HSPG2: variants seen among roughly 807,000 people sequenced by gnomAD.
HSPG2 encodes the protein basement membrane-specific heparan sulfate proteoglycan core protein.
In HSPG2, 278 loss-of-function variants were observed where a neutral mutation model predicts 526.6. The observed-to-expected ratio is 0.53, with a 90% CI of 0.48 to 0.58. HSPG2 has a LOEUF of 0.58. Among genes scored for constraint, HSPG2 ranks in the 20% least tolerant of loss-of-function variants. The pLI is 0.00. For missense variants in HSPG2, 5,354 were observed against 6,099.5 expected (o/e 0.88, Z 4.07); for synonymous variants, 2,465 against 2,555.4 (o/e 0.96, Z 1.07).
chr1:21,916,273 G>C lies in HSPG2; in HGVS notation c.64-19963C>G, dbSNP rs912758587. 5.9e-5 allele frequency among the ~76,000 whole-genome samples: 9 copies of C among 152,176 alleles called. 1 individual carries two copies. Among genetic ancestry groups the C allele is most frequent in the African/African-American group, 1.9e-4 (8 of 41,532 alleles). On this transcript the variant is annotated intron_variant, in intron 1 of 96. Coordinates refer to ENST00000374695, the MANE Select transcript of HSPG2 (RefSeq NM_005529.7). ...TCCCAGCACTTTGGGAGACCGAGGC[G>C]GGTGGATCATGAGGTCAGGAGATCG...
chr1:21,834,931 G>A lies in HSPG2; in HGVS notation c.10468C>T (p.Leu3490Phe). The A allele has an allele frequency of 1.2e-6, 2 of 1,612,646 alleles. No individual in the cohort carries two copies. Among genetic ancestry groups the A allele is most frequent in the Non-Finnish European group, 1.7e-6 (2 of 1,180,008 alleles). ...QLVIQALPSV[L>F]INIRTSVQTV... is the part of the protein sequence containing the mutation. ...TGCACAGAGGTCCGGATGTTGATGA[G>A]CACCGAGGGCAGGGCTGGGGAGGAG... The change falls in exon 77 of 97, where the codon CTC becomes TTC. Residue 3490 changes from leucine (L) to phenylalanine (F), a missense_variant. Physicochemically the swap from Leu to Phe is conservative, Grantham distance 22. Coordinates refer to ENST00000374695, the MANE Select transcript of HSPG2 (RefSeq NM_005529.7).
chr1:21,848,241 G>T lies in HSPG2; in HGVS notation c.7738-148C>A. 1.0e-6 allele frequency: 1 copy of T among 976,858 alleles called. No individual in the cohort carries two copies. Among genetic ancestry groups the T allele is most frequent in the Admixed American group, 2.0e-5 (1 of 49,648 alleles). 60.5% of individuals were successfully genotyped at this position (976,858 alleles called of 1,614,324 possible). ...CGTGAAGCTCCCAGCATGGCATGTG[G>T]CCTGTCTCTGGGCTGGGGTGGACGT... On this transcript the variant is annotated intron_variant, in intron 59 of 96. Transcript: ENST00000374695. The surrounding 1 kb of genome is among the most constrained non-coding windows in gnomAD (Gnocchi z 4.9).
At chr1:21,826,626 C>T (rs957493128) in intron 91 of HSPG2, among the ~76,000 whole-genome samples, 18 of 152,128 alleles carry the variant, frequency 1.2e-4, no homozygotes, top group Admixed American at 8.5e-4. Context: ...TCTCCTGCCT[C>T]AGCCTCCGGA....
Position 21,886,806 on chromosome 1 carries a change from G to A in HSPG2, c.1078+409C>T, listed in dbSNP as rs901663231. ...GGGAGTTGGACAGATGGGTGGGTAA[G>A]GCTCTGACTTGCATACATACACCAA... On this transcript the variant is annotated intron_variant, in intron 9 of 96. Transcript: ENST00000374695. Among the ~76,000 whole-genome samples the A allele has an allele frequency of 3.3e-5, 5 of 152,212 alleles. No homozygotes were observed. In the East Asian group the frequency reaches 5.8e-4, roughly 18 times the overall value.
At chr1:21,876,708 T>C in intron 21 of HSPG2, 56 bp from the exon 22 acceptor site, 1 of 1,609,888 alleles carries the variant, frequency 6.2e-7, no homozygotes, top group Non-Finnish European at 8.5e-7. Context: ...TGCCTGGAGC[T>C]CTGGCCGAAT....
At chr1:21,884,713 G>C (rs377554741) in intron 12 of HSPG2, 39 bp from the exon 13 acceptor site, 2 of 1,610,978 alleles carry the variant, frequency 1.2e-6, no homozygotes, top group African/African-American at 2.7e-5. Flanking sequence ...GCCGGCTGTG[G>C]TGGGCAGCCC....
Position 21,877,215 on chromosome 1 carries a change from T to C in HSPG2, c.2686-563A>G, listed in dbSNP as rs142713549. ...GGGGGTTCACCAATAAATTTAGACT[T>C]GAAATACAGCGACTTGATTGAAATA... On this transcript the variant is annotated intron_variant, in intron 21 of 96. Transcript: ENST00000374695. Among the ~76,000 whole-genome samples, 979 of 152,292 alleles carry C rather than the reference T, an allele frequency of 6.4e-3. 11 individuals carry two copies. Among genetic ancestry groups the C allele is most frequent in the African/African-American group, 0.022 (929 of 41,558 alleles).
intron 1 of HSPG2, among the ~76,000 whole-genome samples, chr1:21,932,201 T>C (rs1278396400): frequency 6.6e-6 from 1 of 152,160 alleles, no homozygotes; most frequent in African/African-American, 2.4e-5. Flanking sequence ...CCTGTACTAC[T>C]TGGGACCAGA....
chr1:21,927,272 G>T (rs186982446), intron 1 of HSPG2, among the ~76,000 whole-genome samples: 15 of 152,258 alleles, frequency 9.9e-5, no homozygotes, highest in African/African-American at 3.6e-4. Flanking sequence ...TGATGGGGAG[G>T]GGGGACACAT....
Position 21,875,875 on chromosome 1 carries a change from C to T in HSPG2, c.3171G>A (p.Val1057=), listed in dbSNP as rs772285440. The change falls in exon 24 of 97, where the codon GTG becomes GTA. Residue 1057 remains valine (V), a synonymous_variant. Coordinates refer to ENST00000374695, the MANE Select transcript of HSPG2 (RefSeq NM_005529.7). The part of the protein sequence containing the change: ...PSPGQPSTFI[V]PFREQAWQRP... ...CAGTATTGCTCACCTCCCGGAAAGG[C>T]ACAATGAAGGTGCTGGGCTGGCCGG... The T allele has an allele frequency of 3.1e-6, 5 of 1,614,100 alleles. No individual in the cohort carries two copies. In the Admixed American group the frequency reaches 6.7e-5, roughly 22 times the overall value.
In HSPG2 at chr1:21,851,702, G is replaced by A; in HGVS notation, c.7007-5C>T. 1 of 1,614,020 alleles carries A rather than the reference G, an allele frequency of 6.2e-7. No individual in the cohort carries two copies. The highest frequency in any genetic ancestry group is 8.5e-7 in the Non-Finnish European group (1 of 1,180,038). The stretch of plus-strand genomic sequence containing the variant: ...TGGGCTGGGTGCTGCCGGCAGCTGA[G>A]GGATAAGATGGTCACCGGTCACTCC... On this transcript the variant is annotated splice_polypyrimidine_tract_variant and splice_region_variant and intron_variant, in intron 54 of 96. Transcript: ENST00000374695.
chr1:21,855,587 C>G lies in HSPG2; in HGVS notation c.5790G>C (p.Gln1930His). The change falls in exon 46 of 97, where the codon CAG becomes CAC. Residue 1930 changes from glutamine to histidine, a missense_variant. By Grantham distance (24) the Gln-to-His change is conservative. Coordinates refer to ENST00000374695, the MANE Select transcript of HSPG2 (RefSeq NM_005529.7). Reference sequence around the variant, plus strand: ...CGCTGCTGTGGGCTCGGCACAAGTACTGGGCCTGATCCGTGGGCTCGACAG... The same window carrying G: ...CGCTGCTGTGGGCTCGGCACAAGTAGTGGGCCTGATCCGTGGGCTCGACAG... ...LPAVEPTDQA[Q>H]YLCRAHSSAG... 1 of 1,591,970 alleles carries G rather than the reference C, an allele frequency of 6.3e-7. No individual in the cohort carries two copies. Among genetic ancestry groups the G allele is most frequent in the Non-Finnish European group, 8.5e-7 (1 of 1,171,150 alleles).
At chr1:21,930,434 C>T (rs780479351) in intron 1 of HSPG2, among the ~76,000 whole-genome samples, 8 of 152,204 alleles carry the variant, frequency 5.3e-5, no homozygotes, top group Non-Finnish European at 7.3e-5. Context: ...ACGCAAGTGA[C>T]ATGAGAGGAA....
chr1:21,859,655 C>T lies in HSPG2; in HGVS notation c.5204G>A (p.Ser1735Asn), dbSNP rs754632292. The T allele has an allele frequency of 6.2e-7, 1 of 1,608,834 alleles. No individual in the cohort carries two copies. The highest frequency in any genetic ancestry group is 1.7e-5 in the Admixed American group (1 of 59,258). The change falls in exon 42 of 97, where the codon AGC (serine) becomes AAC (asparagine). Residue 1735 changes from serine (S) to asparagine (N), a missense_variant. Coordinates refer to ENST00000374695, the MANE Select transcript of HSPG2 (RefSeq NM_005529.7). This position sits in a 1 kb window ranked among gnomAD's most constrained non-coding sequence, Gnocchi z 5.3. ...RHQGSELHFP[S>N]VQPSDAGVYI... ...GACCCCAGCATCCGAGGGCTGGACG[C>T]TGGGGAAGTGGAGCTCGGAGCCTGG... is the stretch of plus-strand genomic sequence containing the variant.
Position 21,842,753 on chromosome 1 carries a change from CATCCT to C in HSPG2, c.8910+12_8910+16del. On this transcript the variant is annotated intron_variant, in intron 67 of 96. Coordinates refer to ENST00000374695, the MANE Select transcript of HSPG2 (RefSeq NM_005529.7). ...ACCTTGCCTGACCTGGAATCCTCCCCATCCTGGCCCCTGTACCTGGTGCCGGGCGG... is the reference window on the plus strand; with the variant it reads ...ACCTTGCCTGACCTGGAATCCTCCCCGGCCCCTGTACCTGGTGCCGGGCGG... 1 of 1,612,554 alleles carries C rather than the reference CATCCT, an allele frequency of 6.2e-7. No homozygotes were observed. The highest frequency in any genetic ancestry group is 2.2e-5 in the East Asian group (1 of 44,874).
chr1:21,924,880 T>G (rs1644143042), intron 1 of HSPG2, among the ~76,000 whole-genome samples: 1 of 152,204 alleles, frequency 6.6e-6, no homozygotes, highest in Non-Finnish European at 1.5e-5. Flanking sequence ...GACTTGCTCT[T>G]TAAGCCCCAT....
intron 1 of HSPG2, among the ~76,000 whole-genome samples, chr1:21,926,816 C>T: frequency 6.6e-6 from 1 of 150,428 alleles, no homozygotes; most frequent in East Asian, 1.9e-4. Context: ...AGAGTAGAGG[C>T]CACTAGGGCT....
chr1:21,841,872 G>T, intron 69 of HSPG2, 130 bp downstream of exon 69: 1 of 1,387,942 alleles, frequency 7.2e-7, no homozygotes, highest in South Asian at 1.2e-5. Flanking sequence ...ACAGAGACGG[G>T]AAGGGCCTTA....
At chr1:21,930,446 G>A (rs1365782853) in intron 1 of HSPG2, among the ~76,000 whole-genome samples, 1 of 152,148 alleles carries the variant, frequency 6.6e-6, no homozygotes, top group African/African-American at 2.4e-5. Flanking sequence ...TGAGAGGAAG[G>A]AATCTGACAT....
Sources: gnomAD v4.1 joint callset for allele counts (sites outside exome capture counted in the v4.1 genomes callset) on GRCh38, gnomAD v4.1.1 for gene constraint, Gnocchi (gnomAD v3.1) non-coding constraint, MANE v1.5 for transcripts, NCBI Gene and HGNC (gene_info 2026-07-23, HGNC 2026-07-21) for gene names.